The following DTNA variants were observed in gnomAD, a reference collection of about 807,000 sequenced individuals.
DTNA encodes the protein dystrophin-related protein 3.
A neutral mutation model predicts 100.7 loss-of-function variants in DTNA; 43 were observed. The observed-to-expected ratio is 0.43, with a 90% confidence interval of 0.33 to 0.55. The LOEUF (loss-of-function observed/expected upper bound fraction) is 0.55. Among genes scored for constraint, DTNA ranks in the 20% least tolerant of loss-of-function variants. The pLI, the probability that DTNA is intolerant of heterozygous loss-of-function variation, is 0.04. For missense variants in DTNA, 798 were observed against 953.9 expected, an observed-to-expected ratio of 0.84 and a Z score of 2.15; for synonymous variants, 349 against 347.9, an observed-to-expected ratio of 1.00 and a Z score of -0.04.
intron 1 of DTNA, among the ~76,000 whole-genome samples, chr18:34,727,483 T>TTTTAC (rs1280168892): frequency 3.3e-5 from 5 of 152,190 alleles, no homozygotes; most frequent in African/African-American, 1.2e-4. Flanking sequence ...ATTTTCACTG[T>TTTTAC]AAAACAAACT....
rs61242937 is a variant in DTNA, at chr18:34,769,725, C to CTTTT, written c.148+3696_148+3699dup. Among the ~76,000 whole-genome samples, 56 of 53,880 alleles carry CTTTT rather than the reference C, an allele frequency of 1.0e-3. 16 individuals carry two copies. Among genetic ancestry groups the CTTTT allele is most frequent in the East Asian group, 6.9e-3 (7 of 1,016 alleles). 35.3% of individuals were successfully genotyped at this position (53,880 alleles called of 152,430 possible). ...GAAGAAGCAAGGCAGCCCTCTGGGGCTTTTTTTTTTTTTTTGACAGAGTTT... is the reference window on the plus strand; with the variant it reads ...GAAGAAGCAAGGCAGCCCTCTGGGGCTTTTTTTTTTTTTTTTTTTGACAGAGTTT... On this transcript the variant is annotated intron_variant, in intron 3 of 22. Transcript: ENST00000444659.
intron 1 of DTNA, among the ~76,000 whole-genome samples, chr18:34,568,448 C>A: frequency 6.6e-6 from 1 of 152,110 alleles, no homozygotes; most frequent in East Asian, 1.9e-4. Context: ...TCATTCCCTA[C>A]AATTTCCCAT....
At chr18:34,513,026 C>T (rs1402903693) in intron 1 of DTNA, among the ~76,000 whole-genome samples, 1 of 152,034 alleles carries the variant, frequency 6.6e-6, no homozygotes, top group East Asian at 1.9e-4. Flanking sequence ...CCATGGAAAA[C>T]TTTAATAGTT....
At chr18:34,700,023 C>G (rs2081151857) in intron 1 of DTNA, among the ~76,000 whole-genome samples, 1 of 152,200 alleles carries the variant, frequency 6.6e-6, no homozygotes, top group Non-Finnish European at 1.5e-5. Flanking sequence ...GAGATTCTAT[C>G]TATGCAGTGA....
chr18:34,875,733 ATT>A (rs1197570460), intron 18 of DTNA, among the ~76,000 whole-genome samples: 1 of 152,182 alleles, frequency 6.6e-6, no homozygotes, highest in Non-Finnish European at 1.5e-5. Flanking sequence ...CTTATCTCAT[ATT>A]GTCTTTTCTT....
intron 1 of DTNA, among the ~76,000 whole-genome samples, chr18:34,591,701 T>C (rs752456825): frequency 4.6e-5 from 7 of 152,218 alleles, no homozygotes; most frequent in Non-Finnish European, 8.8e-5. Flanking sequence ...CAGCATTACA[T>C]AGAGCCTGCA....
chr18:34,539,408 G>A (rs2044034791), intron 1 of DTNA, among the ~76,000 whole-genome samples: 1 of 151,954 alleles, frequency 6.6e-6, no homozygotes, highest in Non-Finnish European at 1.5e-5. Context: ...GATGTCCACT[G>A]GAAATTTTAT....
rs931552259 is a variant in DTNA, at chr18:34,668,691, G to A, written c.-1-87285G>A. On this transcript the variant is annotated intron_variant, in intron 1 of 19. Coordinates refer to the DTNA transcript ENST00000283365. ...CCTTCTTTTCTTTATGTACCCAGTA[G>A]TCATTCAGGAGCAGGTTGTTCAGTT... 3.6e-4 allele frequency among the ~76,000 whole-genome samples: 55 copies of A among 152,262 alleles called. 1 individual carries two copies. Among genetic ancestry groups the A allele is most frequent in the African/African-American group, 1.0e-3 (43 of 41,554 alleles).
At chr18:34,693,885 G>A (rs1307691294) in intron 1 of DTNA, among the ~76,000 whole-genome samples, 21 of 151,940 alleles carry the variant, frequency 1.4e-4, no homozygotes, top group Admixed American at 1.4e-3. Context: ...GGCAACTAAA[G>A]TGATTAGAAC....
At chr18:34,502,011 C>T (rs985109019) in intron 1 of DTNA, among the ~76,000 whole-genome samples, 12 of 152,148 alleles carry the variant, frequency 7.9e-5, no homozygotes, top group African/African-American at 1.9e-4. Flanking sequence ...AATAGAGTCA[C>T]GTTTTGAGTT....
rs2095945566 is a variant in DTNA, at chr18:34,829,381, C to T, written c.1086-19C>T. 1 of 1,535,034 alleles carries T rather than the reference C, an allele frequency of 6.5e-7. No individual in the cohort carries two copies. The highest frequency in any genetic ancestry group is 8.7e-7 in the Non-Finnish European group (1 of 1,146,610). On this transcript the variant is annotated intron_variant, in intron 10 of 22. Transcript: ENST00000444659. ...TCCATGGGAAGTTTTAATGAGGTCT[C>T]ATTGTTTGACTCCCTCAGGTTACCT...
chr18:34,526,599 T>C (rs995563673), intron 1 of DTNA, among the ~76,000 whole-genome samples: 2 of 152,240 alleles, frequency 1.3e-5, no homozygotes, highest in Non-Finnish European at 2.9e-5. Context: ...GTCCCTATAC[T>C]TACATAATCA....
At chr18:34,882,956 G>A (rs561418706) in intron 21 of DTNA, among the ~76,000 whole-genome samples, 1 of 152,316 alleles carries the variant, frequency 6.6e-6, no homozygotes, top group African/African-American at 2.4e-5. Context: ...CTGGAGAAAT[G>A]TTGGGGGAAC....
intron 4 of DTNA, among the ~76,000 whole-genome samples, chr18:34,798,236 G>A (rs559550485): frequency 7.9e-5 from 12 of 152,170 alleles, no homozygotes; most frequent in Non-Finnish European, 1.3e-4. Flanking sequence ...CTGGGCTCAA[G>A]CAATCCACCT....
rs140788363 is a variant in DTNA at position 34,521,274 on chromosome 18, G to C, written c.-2+27760G>C. The stretch of plus-strand genomic sequence containing the variant: ...AGTCCATCAGTAAGTTCTGTCAGCT[G>C]TGCCCTCAAAATATGTCCCAGTCTA... On this transcript the variant is annotated intron_variant, in intron 1 of 19. Transcript: ENST00000283365. Among the ~76,000 whole-genome samples the C allele has an allele frequency of 4.5e-4, 68 of 152,114 alleles. 1 individual carries two copies. The Middle Eastern group carries it at 0.01, about 23-fold the overall frequency.
chr18:34,682,172 T>G (rs2078226632), intron 1 of DTNA, among the ~76,000 whole-genome samples: 1 of 152,208 alleles, frequency 6.6e-6, no homozygotes, highest in Admixed American at 6.5e-5. Flanking sequence ...ACTGCCTGGA[T>G]GTACCACATT....
At chr18:34,813,972 G>A (rs1013292241) in intron 6 of DTNA, among the ~76,000 whole-genome samples, 1 of 151,080 alleles carries the variant, frequency 6.6e-6, no homozygotes, top group African/African-American at 2.4e-5. Flanking sequence ...AGTGCTTTAT[G>A]CCTCACAAAG....
chr18:34,532,121 G>T (rs1411600418), intron 1 of DTNA, among the ~76,000 whole-genome samples: 2 of 152,048 alleles, frequency 1.3e-5, no homozygotes, highest in Non-Finnish European at 2.9e-5. Context: ...CATGACATCC[G>T]CCTCCTCTTA....
intron 13 of DTNA, among the ~76,000 whole-genome samples, chr18:34,843,845 A>G (rs1454792961): frequency 6.6e-6 from 1 of 152,150 alleles, no homozygotes; most frequent in Admixed American, 6.6e-5. Context: ...GACTCTTTTT[A>G]GTACATTTTG....
Sources: allele counts gnomAD v4.1 joint callset (sites outside exome capture counted in the v4.1 genomes callset), GRCh38; gene constraint gnomAD v4.1.1; transcripts MANE v1.5; gene names NCBI Gene and HGNC (gene_info 2026-07-23, HGNC 2026-07-21).